Variants in LRRC34 observed in about 807,000 individuals in gnomAD.
The protein encoded by LRRC34 is leucine-rich repeat-containing protein 34.
In LRRC34, 44 loss-of-function variants were observed where a neutral mutation model predicts 48.5. The observed-to-expected ratio is 0.91, with a 90% CI of 0.71 to 1.17. The LOEUF is 1.17. Ranked by LOEUF, LRRC34 falls within the 50% of genes most tolerant of loss-of-function variation. The pLI is 0.00. For synonymous variants in LRRC34, 192 were observed against 197.6 expected (o/e 0.97, Z 0.24); for missense variants, 502 against 563.0 (o/e 0.89, Z 1.10).
rs532670507 is a variant in LRRC34, at chr3:169,805,252, A to C, written c.529-1071T>G. Among the ~76,000 whole-genome samples the C allele has an allele frequency of 8.7e-4, 133 of 152,316 alleles. 2 individuals are homozygous for C. In the South Asian group the frequency reaches 0.027, roughly 31 times the overall value. On this transcript the variant is annotated intron_variant, in intron 5 of 10. Coordinates refer to ENST00000446859, the MANE Select transcript of LRRC34 (RefSeq NM_001172779.2). Reference sequence around the variant, plus strand: ...ACCATCTTGCATAGGGAAAATCCTAAGGATTCCACCAAAAAAACCTGTTAG... The same window carrying C: ...ACCATCTTGCATAGGGAAAATCCTACGGATTCCACCAAAAAAACCTGTTAG...
intron 7 of LRRC34, among the ~76,000 whole-genome samples, chr3:169,798,882 G>C (rs372019873): frequency 1.3e-5 from 2 of 152,038 alleles, no homozygotes; most frequent in East Asian, 1.9e-4. Context: ...CTCCAGACTT[G>C]TCAAGCTCCC....
intron 7 of LRRC34, among the ~76,000 whole-genome samples, chr3:169,799,220 T>C (rs1779102665): frequency 1.3e-5 from 2 of 152,348 alleles, no homozygotes; most frequent in South Asian, 4.1e-4. Flanking sequence ...GAGAGATCTA[T>C]GTAGGCAAAG....
Position 169,812,585 on chromosome 3 carries a change from G to A in LRRC34, c.-37C>T. 7.0e-7 allele frequency: 1 copy of A among 1,434,804 alleles called. No individual in the cohort carries two copies. The highest frequency in any genetic ancestry group is 9.1e-7 in the Non-Finnish European group (1 of 1,101,294). The allele number at this position is 1,434,804 out of a possible 1,614,324, so 88.9% of individuals were successfully genotyped here. ...GCGCACTTACAGTCCGCCTGCAGCT[G>A]TGAGGCGGCTACACGAGCCTCGGCG... On this transcript the variant is annotated 5_prime_UTR_variant, in exon 1 of 11. Transcript: ENST00000446859. The surrounding 1 kb of genome is among the most constrained non-coding windows in gnomAD (Gnocchi z 4.3).
In LRRC34 at chr3:169,795,562, A is replaced by G; in HGVS notation, c.1114T>C (p.Ser372Pro). Residue 372 changes from serine (S) to proline (P), a missense_variant, in exon 10 of 11, where the codon TCA becomes CCA. Coordinates refer to ENST00000446859, the MANE Select transcript of LRRC34 (RefSeq NM_001172779.2). ...NIEGEGLVAL[S>P]QSMKTNLTFS... ...GTGAGATTTGTTTTCATTGATTGTG[A>G]AAGTGCAACAAGTCCTTCTCCCTCT... is the stretch of plus-strand genomic sequence containing the variant. The G allele has an allele frequency of 6.2e-7, 1 of 1,612,962 alleles. No individual in the cohort carries two copies. Among genetic ancestry groups the G allele is most frequent in the Non-Finnish European group, 8.5e-7 (1 of 1,179,292 alleles).
chr3:169,801,366 A>G (rs1265168835), intron 6 of LRRC34, among the ~76,000 whole-genome samples: 1 of 151,876 alleles, frequency 6.6e-6, no homozygotes, highest in Admixed American at 6.6e-5. Flanking sequence ...AGATGTCTCA[A>G]ATTAGTCTGT....
intron 4 of LRRC34, among the ~76,000 whole-genome samples, 167 bp from the exon 5 acceptor site, chr3:169,807,098 A>G (rs1779402369): frequency 6.6e-6 from 1 of 152,242 alleles, no homozygotes; most frequent in African/African-American, 2.4e-5. Flanking sequence ...AAAAACAACT[A>G]CATTAAGGAA....
Position 169,812,762 on chromosome 3 carries a change from G to A in LRRC34, c.-214C>T. 1 of 608,276 alleles carries A rather than the reference G, an allele frequency of 1.6e-6. No homozygotes were observed. Among genetic ancestry groups the A allele is most frequent in the South Asian group, 2.7e-5 (1 of 37,376 alleles). The allele number at this position is 608,276 out of a possible 1,614,324, so 37.7% of individuals were successfully genotyped here. A position where few individuals can be genotyped will look rare whatever the true frequency, so the allele number is the denominator to read the frequency against. ...GGCGTCCTGGCTCCTTTGCAGGGAG[G>A]AGTTCCCGAGGTTTGAGGGGCTCCG... On this transcript the variant is annotated 5_prime_UTR_variant, in exon 1 of 11. Transcript: ENST00000446859. This position sits in a 1 kb window ranked among gnomAD's most constrained non-coding sequence, Gnocchi z 4.3.
At chr3:169,803,280 T>C (rs1202592790) in intron 6 of LRRC34, among the ~76,000 whole-genome samples, 2 of 152,166 alleles carry the variant, frequency 1.3e-5, no homozygotes, top group East Asian at 3.8e-4. Flanking sequence ...ACAGGCACGG[T>C]TGTAGTGAAC....
chr3:169,796,924 C>G (rs1386444000), intron 7 of LRRC34, 25 bp from the exon 8 acceptor site: 1 of 1,482,000 alleles, frequency 6.7e-7, no homozygotes, highest in Non-Finnish European at 9.0e-7. Context: ...AATCTTATTT[C>G]TAAAATATAA....
At chr3:169,797,912 A>C (rs1779051943) in intron 7 of LRRC34, among the ~76,000 whole-genome samples, 1 of 152,218 alleles carries the variant, frequency 6.6e-6, no homozygotes. Context: ...TAAGTTAACT[A>C]ATAAAAGGTA....
Position 169,795,594 on chromosome 3 carries a change from T to C in LRRC34, c.1082A>G (p.Asn361Ser), listed in dbSNP as rs1457946568. The change falls in exon 10 of 11, where the codon AAC (asparagine) becomes AGC (serine). Residue 361 changes from asparagine to serine, a missense_variant. Coordinates refer to ENST00000446859, the MANE Select transcript of LRRC34 (RefSeq NM_001172779.2). Reference protein sequence around the residue: ...RSLKALSVVSNNIEGEGLVAL... With the variant: ...RSLKALSVVSSNIEGEGLVAL... ...AACAAGTCCTTCTCCCTCTATGTTG[T>C]TGCTGACTACTGACAACCTGAAACC... 4 of 1,611,682 alleles carry C rather than the reference T, an allele frequency of 2.5e-6. No individual in the cohort carries two copies. Among genetic ancestry groups the C allele is most frequent in the Non-Finnish European group, 2.5e-6 (3 of 1,178,500 alleles).
chr3:169,796,070 A>T, intron 9 of LRRC34, 144 bp downstream of exon 9: 1 of 1,318,392 alleles, frequency 7.6e-7, no homozygotes, highest in Non-Finnish European at 9.7e-7. Flanking sequence ...ATAGAAATGT[A>T]AATGTTTACT....
rs1779602348 is a variant in LRRC34, at chr3:169,812,150, G to A, written c.139+260C>T. On this transcript the variant is annotated intron_variant, in intron 1 of 10. Transcript: ENST00000446859. The surrounding 1 kb of genome is among the most constrained non-coding windows in gnomAD (Gnocchi z 4.3). ...AGACACCATCTGCACAACCTATCGC[G>A]CAAAGGGCGGACCCACGGGAACTCC... Among the ~76,000 whole-genome samples, 2 of 149,308 alleles carry A rather than the reference G, an allele frequency of 1.3e-5. No individual in the cohort carries two copies. Among genetic ancestry groups the A allele is most frequent in the African/African-American group, 2.5e-5 (1 of 40,252 alleles).
chr3:169,809,149 C>T (rs1366470324), intron 1 of LRRC34, among the ~76,000 whole-genome samples: 1 of 150,790 alleles, frequency 6.6e-6, no homozygotes, highest in Non-Finnish European at 1.5e-5. Flanking sequence ...CAAACTGATT[C>T]CAAAACCTCT....
intron 1 of LRRC34, among the ~76,000 whole-genome samples, chr3:169,809,859 A>G (rs1227922604): frequency 6.6e-6 from 1 of 152,196 alleles, no homozygotes; most frequent in East Asian, 1.9e-4. Flanking sequence ...CATGAGGAAC[A>G]TTACATTTCA....
Position 169,812,268 on chromosome 3 carries a change from C to G in LRRC34, c.139+142G>C. The G allele has an allele frequency of 8.6e-7, 1 of 1,165,502 alleles. No homozygotes were observed. The highest frequency in any genetic ancestry group is 1.1e-6 in the Non-Finnish European group (1 of 872,172). 72.2% of individuals were successfully genotyped at this position (1,165,502 alleles called of 1,614,324 possible). A position where few individuals can be genotyped will look rare whatever the true frequency, so the allele number is the denominator to read the frequency against. ...TCTGGGCGCCCCAAACCTCTGGCCA[C>G]AGCTGGGGTTCCCAGGGGCCCCCCT... On this transcript the variant is annotated intron_variant, in intron 1 of 10. Transcript: ENST00000446859. The surrounding 1 kb of genome is among the most constrained non-coding windows in gnomAD (Gnocchi z 4.3).
Position 169,812,226 on chromosome 3 carries a change from CTT to C in LRRC34, c.139+182_139+183del. Among the ~76,000 whole-genome samples the C allele has an allele frequency of 6.6e-6, 1 of 152,058 alleles. No individual in the cohort carries two copies. The highest frequency in any genetic ancestry group is 2.1e-4 in the South Asian group (1 of 4,822). ...CGGTCGCAAAGGGCGACCGGGGACT[CTT>C]CTCCTGCCCTCGTTTCTGGGCGCCC... On this transcript the variant is annotated intron_variant, in intron 1 of 10. Coordinates refer to ENST00000446859, the MANE Select transcript of LRRC34 (RefSeq NM_001172779.2). The surrounding 1 kb of genome is among the most constrained non-coding windows in gnomAD (Gnocchi z 4.3).
At chr3:169,799,885 G>A (rs1308482522) in intron 7 of LRRC34, among the ~76,000 whole-genome samples, 1 of 151,926 alleles carries the variant, frequency 6.6e-6, no homozygotes, top group African/African-American at 2.4e-5. Context: ...GCTAATTTTT[G>A]TACTTTTAGT....
chr3:169,811,657 C>G (rs140832105), intron 1 of LRRC34, among the ~76,000 whole-genome samples: 3 of 152,292 alleles, frequency 2.0e-5, no homozygotes, highest in Non-Finnish European at 4.4e-5. Context: ...GTAGATCCCT[C>G]CAAAACATGC....
Sources: gnomAD v4.1 joint callset for allele counts (sites outside exome capture counted in the v4.1 genomes callset) on GRCh38, gnomAD v4.1.1 for gene constraint, Gnocchi (gnomAD v3.1) non-coding constraint, MANE v1.5 for transcripts, NCBI Gene and HGNC (gene_info 2026-07-23, HGNC 2026-07-21) for gene names.